The following ADAM8 variants were observed in gnomAD, a reference collection of about 807,000 sequenced individuals.
ADAM8 encodes ADAM metallopeptidase domain 8, also known as disintegrin and metalloproteinase domain-containing protein 8.
ADAM8 carries 104 observed loss-of-function variants against 102.4 expected under a neutral mutation model. The observed-to-expected ratio is 1.02, with a 90% CI of 0.87 to 1.20. The LOEUF is 1.20. Among genes scored for constraint, ADAM8 ranks in the 50% most tolerant of loss-of-function variants. The probability of loss-of-function intolerance (pLI) is 0.00; values close to 1 mark genes in which losing one functional copy is unlikely to be tolerated. For synonymous variants in ADAM8, 517 were observed against 485.2 expected (o/e 1.07, Z -0.86); for missense variants, 1,132 against 1,159.0 (o/e 0.98, Z 0.34).
chr10:133,270,107 C>CATCTGCGAGA (rs1430660829), intron 16 of ADAM8, 133 bp from the exon 17 acceptor site: 8 of 1,184,338 alleles, frequency 6.8e-6, no homozygotes, highest in Non-Finnish European at 9.6e-6. Context: ...GCCCATCTGC[C>CATCTGCGAGA]GGCTGCCTAC....
At chr10:133,270,265 G>C in intron 16 of ADAM8, 95 bp downstream of exon 16, 1 of 1,470,128 alleles carries the variant, frequency 6.8e-7, no homozygotes. Context: ...CCATGGCCTC[G>C]AGCAGCTGCC....
rs1182035572 is a variant in ADAM8 at position 133,272,248 on chromosome 10, A to T, written c.902T>A (p.Val301Glu). 6.5e-7 allele frequency: 1 copy of T among 1,543,798 alleles called. No homozygotes were observed. The highest frequency in any genetic ancestry group is 8.8e-7 in the Non-Finnish European group (1 of 1,142,594). Residue 301 changes from valine to glutamate, a missense_variant, in exon 10 of 23, where the codon GTG becomes GAG. Physicochemically the swap from Val to Glu is moderately radical, Grantham distance 121 (BLOSUM62 -2). Coordinates refer to ENST00000445355, the MANE Select transcript of ADAM8 (RefSeq NM_001109.5). ...CATGGCGGACACCCTGGCAAACCCCACGGTAGTCCCGGTGAAGTCGACACC... is the reference window on the plus strand; with the variant it reads ...CATGGCGGACACCCTGGCAAACCCCTCGGTAGTCCCGGTGAAGTCGACACC... ...ITGVDFTGTT[V>E]GFARVSAMCS...
Position 133,269,427 on chromosome 10 carries a change from C to G in ADAM8, c.1948+18G>C, listed in dbSNP as rs564122787. ...AGCTTGGACCCCAGCCCCACCTGCG[C>G]TGGCCAGGGAGGCCTACCTGCGTGC... is the stretch of plus-strand genomic sequence containing the variant. On this transcript the variant is annotated intron_variant, in intron 18 of 22. Coordinates refer to ENST00000445355, the MANE Select transcript of ADAM8 (RefSeq NM_001109.5). The G allele has an allele frequency of 4.2e-5, 65 of 1,545,838 alleles. No homozygotes were observed. The East Asian group carries it at 1.5e-3, about 35-fold the overall frequency.
At chr10:133,271,326 G>A in intron 12 of ADAM8, 37 bp from the exon 13 acceptor site, 1 of 1,589,078 alleles carries the variant, frequency 6.3e-7, no homozygotes, top group East Asian at 2.3e-5. Flanking sequence ...GGCTGCACTG[G>A]GGCCGGGCTG....
chr10:133,274,601 T>A (rs1485733457), intron 2 of ADAM8, among the ~76,000 whole-genome samples: 1 of 151,556 alleles, frequency 6.6e-6, no homozygotes, highest in Admixed American at 6.6e-5. Flanking sequence ...TGCTCCTCGG[T>A]CCTCCCAGGC....
intron 3 of ADAM8, 53 bp downstream of exon 3, chr10:133,274,106 C>T: frequency 6.3e-7 from 1 of 1,586,784 alleles, no homozygotes; most frequent in Non-Finnish European, 8.6e-7. Context: ...GCCGGGGACA[C>T]CAGTGTGCTG....
intron 5 of ADAM8, 156 bp downstream of exon 5, chr10:133,273,606 T>C: frequency 7.9e-7 from 1 of 1,264,316 alleles, no homozygotes; most frequent in Non-Finnish European, 1.1e-6. Flanking sequence ...GTGAGCCTCT[T>C]GGGCTTGGCG....
Position 133,269,522 on chromosome 10 carries a change from T to G in ADAM8, c.1871A>C (p.Asn624Thr), listed in dbSNP as rs762325347. Residue 624 changes from asparagine to threonine, a missense_variant, in exon 18 of 23, where the codon AAC becomes ACC. Coordinates refer to ENST00000445355, the MANE Select transcript of ADAM8 (RefSeq NM_001109.5). Reference protein sequence around the residue: ...SAQCHNHGVCNHKQECHCHAG... With the variant: ...SAQCHNHGVCTHKQECHCHAG... Reference sequence around the variant, plus strand: ...GTGGCAGTGGCACTCCTGCTTGTGGTTGCACACCTGCGGGGACGGCTGGGC... The same window carrying G: ...GTGGCAGTGGCACTCCTGCTTGTGGGTGCACACCTGCGGGGACGGCTGGGC... The G allele has an allele frequency of 1.7e-5, 27 of 1,597,324 alleles. No individual in the cohort carries two copies. Among genetic ancestry groups the G allele is most frequent in the Non-Finnish European group, 2.3e-5 (27 of 1,177,562 alleles).
At position 133,272,867 on chromosome 10, in the gene ADAM8, C is replaced by A; in HGVS notation, c.637-1G>T. 1 of 1,611,484 alleles carries A rather than the reference C, an allele frequency of 6.2e-7. No individual in the cohort carries two copies. Among genetic ancestry groups the A allele is most frequent in the Non-Finnish European group, 8.5e-7 (1 of 1,178,904 alleles). ...CTGCTTCGCTCCCCAGCATCTGGAA[C>A]TGGGGACACGAGACCCTCAGGCTGG... is the stretch of plus-strand genomic sequence containing the variant. On this transcript the variant is annotated splice_acceptor_variant, in intron 7 of 22. Transcript: ENST00000445355. LOFTEE classifies it high-confidence loss of function.
At position 133,274,255 on chromosome 10, in the gene ADAM8, TC is replaced by T; in HGVS notation, c.151-21del. ...CAGGCCCTGAGCGAGGAGGGAAGGG[TC>T]CCAGGTGAGCAGCCTGCCCGGGCTG... is the stretch of plus-strand genomic sequence containing the variant. On this transcript the variant is annotated intron_variant, in intron 2 of 22. Coordinates refer to ENST00000445355, the MANE Select transcript of ADAM8 (RefSeq NM_001109.5). 6.6e-7 allele frequency: 1 copy of T among 1,520,648 alleles called. No homozygotes were observed. The allele number at this position is 1,520,648 out of a possible 1,614,324, so 94.2% of individuals were successfully genotyped here. A position where few individuals can be genotyped will look rare whatever the true frequency, so the allele number is the denominator to read the frequency against.
chr10:133,268,315 C>G (rs1228074754), intron 19 of ADAM8, among the ~76,000 whole-genome samples, 197 bp from the exon 20 acceptor site: 1 of 152,212 alleles, frequency 6.6e-6, no homozygotes, highest in Non-Finnish European at 1.5e-5. Flanking sequence ...CCTGGGGGCC[C>G]CAGTCAGGTG....
chr10:133,273,681 GCCTCCCT>G, intron 5 of ADAM8, 74 bp downstream of exon 5: 1 of 1,454,920 alleles, frequency 6.9e-7, no homozygotes, highest in Non-Finnish European at 9.3e-7. Flanking sequence ...CACCCTCCCT[GCCTCCCT>G]TCCCCACCCC....
chr10:133,264,000 C>A, intron 21 of ADAM8: 2 of 404,450 alleles, frequency 4.9e-6, no homozygotes, highest in Non-Finnish European at 4.4e-6. Flanking sequence ...CTGCCCAGTA[C>A]ACCATCCACA....
chr10:133,272,272 C>A lies in ADAM8; in HGVS notation c.878G>T (p.Gly293Val). 1.3e-6 allele frequency: 2 copies of A among 1,531,254 alleles called. No individual in the cohort carries two copies. The highest frequency in any genetic ancestry group is 1.8e-6 in the Non-Finnish European group (2 of 1,134,084). The allele number at this position is 1,531,254 out of a possible 1,614,324, so 94.9% of individuals were successfully genotyped here. A position where few individuals can be genotyped will look rare whatever the true frequency, so the allele number is the denominator to read the frequency against. Residue 293 changes from glycine (G) to valine (V), a missense_variant and splice_region_variant, in exon 10 of 23, where the codon GGT (glycine) becomes GTT (valine). Transcript: ENST00000445355. ...CACGGTAGTCCCGGTGAAGTCGACA[C>A]CCCTGGAAGTGGGAGTGACACAGAT... ...HLHDNVQLIT[G>V]VDFTGTTVGF...
At chr10:133,266,466 G>C (rs1171788669) in intron 21 of ADAM8, among the ~76,000 whole-genome samples, 1 of 152,126 alleles carries the variant, frequency 6.6e-6, no homozygotes, top group Non-Finnish European at 1.5e-5. Context: ...CCTGCCCCAG[G>C]TCTTCCATGC....
intron 8 of ADAM8, 59 bp downstream of exon 8, chr10:133,272,739 C>T: frequency 4.2e-6 from 6 of 1,442,658 alleles, no homozygotes; most frequent in South Asian, 1.3e-5. Context: ...CCTGTGGCAA[C>T]ACCCCCCCCA....
At chr10:133,273,080 C>CGAGG in intron 6 of ADAM8, 61 bp from the exon 7 acceptor site, 1 of 1,610,446 alleles carries the variant, frequency 6.2e-7, no homozygotes, top group Admixed American at 1.7e-5. Flanking sequence ...GACCCTCCCT[C>CGAGG]AGGGACCCGG....
At chr10:133,274,263 G>C in intron 2 of ADAM8, 28 bp from the exon 3 acceptor site, 1 of 1,513,508 alleles carries the variant, frequency 6.6e-7, no homozygotes, top group South Asian at 1.3e-5. Context: ...GGTCCCAGGT[G>C]AGCAGCCTGC....
chr10:133,269,625 C>A (rs2136081139), intron 17 of ADAM8, 96 bp from the exon 18 acceptor site: 4 of 1,246,922 alleles, frequency 3.2e-6, no homozygotes, highest in Non-Finnish European at 3.3e-6. Flanking sequence ...GCCAGCCCCA[C>A]CCCCGAGGGC....
Sources: allele counts gnomAD v4.1 joint callset (sites outside exome capture counted in the v4.1 genomes callset), GRCh38; gene constraint gnomAD v4.1.1; transcripts MANE v1.5; gene names NCBI Gene and HGNC (gene_info 2026-07-23, HGNC 2026-07-21).